NFASC: variants seen among roughly 807,000 people sequenced by gnomAD.
NFASC encodes neurofascin, also known as neurofascin homolog.
NFASC carries 43 observed loss-of-function variants against 147.5 expected under a neutral mutation model. The observed-to-expected ratio is 0.29, with a 90% CI of 0.23 to 0.38. The LOEUF is 0.38. NFASC is among the 10% of genes least tolerant of loss of function. The pLI is 1.00. For synonymous variants in NFASC, 622 were observed against 665.5 expected (o/e 0.93, Z 1.01); for missense variants, 1,320 against 1,689.0 (o/e 0.78, Z 3.83).
At chr1:204,836,491 T>A (rs187788026) in intron 1 of NFASC, among the ~76,000 whole-genome samples, 1 of 152,374 alleles carries the variant, frequency 6.6e-6, no homozygotes, top group East Asian at 1.9e-4. Flanking sequence ...AGAGTTTTAT[T>A]TGGGGGCACC....
chr1:204,954,307 A>G lies in NFASC; in HGVS notation c.335A>G (p.Tyr112Cys). 13 of 1,614,184 alleles carry G rather than the reference A, an allele frequency of 8.1e-6. No individual in the cohort carries two copies. The highest frequency in any genetic ancestry group is 1.1e-5 in the Non-Finnish European group (13 of 1,180,028). The part of the protein sequence containing the change: ...DFRSGGRPEE[Y>C]EGEYQCFARN... ...CGCAGTGGCGGGCGGCCGGAGGAAT[A>G]TGAGGGGGAATATCAGTGCTTCGCC... The change falls in exon 6 of 30, where the codon TAT (tyrosine) becomes TGT (cysteine). Residue 112 changes from tyrosine to cysteine, a missense_variant. By Grantham distance (194) the Tyr-to-Cys change is radical. This residue lies in a region of NFASC where 981 missense variants were observed against 1,289.5 expected (regional missense o/e 0.76). Coordinates refer to ENST00000339876, the MANE Select transcript of NFASC (RefSeq NM_001005388.3). The surrounding 1 kb of genome is among the most constrained non-coding windows in gnomAD (Gnocchi z 5.7).
chr1:204,864,991 T>C (rs2076995776), intron 1 of NFASC, among the ~76,000 whole-genome samples: 1 of 152,236 alleles, frequency 6.6e-6, no homozygotes, highest in Non-Finnish European at 1.5e-5. Flanking sequence ...TGGTGTTACA[T>C]CTAAAAGTCC....
chr1:204,897,925 A>G (rs1419791921), intron 1 of NFASC, among the ~76,000 whole-genome samples: 1 of 152,002 alleles, frequency 6.6e-6, no homozygotes, highest in Non-Finnish European at 1.5e-5. Flanking sequence ...TTTCAAAGAG[A>G]CAGGGTTTCA....
At chr1:204,908,568 G>T (rs1347686142) in intron 1 of NFASC, among the ~76,000 whole-genome samples, 2 of 151,680 alleles carry the variant, frequency 1.3e-5, no homozygotes, top group African/African-American at 4.8e-5. Context: ...ACACTACTTT[G>T]CCCAGGTTCC....
chr1:204,941,080 A>T (rs1420063928), intron 2 of NFASC, among the ~76,000 whole-genome samples: 1 of 152,228 alleles, frequency 6.6e-6, no homozygotes, highest in African/African-American at 2.4e-5. Context: ...ACAAAGAGAA[A>T]AATGGGTGGA....
At chr1:204,881,011 C>T (rs1414036313) in intron 1 of NFASC, among the ~76,000 whole-genome samples, 3 of 152,174 alleles carry the variant, frequency 2.0e-5, no homozygotes, top group Non-Finnish European at 4.4e-5. Context: ...GCCCTCCTGC[C>T]CTCCCTCCTG....
At chr1:204,981,418 C>T (rs2095506851) in intron 20 of NFASC, among the ~76,000 whole-genome samples, 1 of 152,274 alleles carries the variant, frequency 6.6e-6, no homozygotes, top group South Asian at 2.1e-4. Context: ...TGTGGTTAAC[C>T]ACAACTCATT....
chr1:204,981,434 T>C (rs553850727), intron 20 of NFASC, among the ~76,000 whole-genome samples: 29 of 152,418 alleles, frequency 1.9e-4, no homozygotes, highest in African/African-American at 6.7e-4. Flanking sequence ...TCATTTCTTC[T>C]GACTTTGGAG....
rs2095616580 is a variant in NFASC, at chr1:204,986,414, C to A, written c.2471-1004C>A. On this transcript the variant is annotated intron_variant, in intron 21 of 29. Coordinates refer to ENST00000339876, the MANE Select transcript of NFASC (RefSeq NM_001005388.3). The surrounding 1 kb of genome is among the most constrained non-coding windows in gnomAD (Gnocchi z 4.2). ...CACGGCGGGCACCTGGGCCACCCCA[C>A]CACCTTCCGAGGCAGAAGGCAGCAC... is the stretch of plus-strand genomic sequence containing the variant. 6.6e-6 allele frequency among the ~76,000 whole-genome samples: 1 copy of A among 152,248 alleles called. No homozygotes were observed.
At chr1:204,939,303 A>C (rs1353818632) in intron 2 of NFASC, among the ~76,000 whole-genome samples, 2 of 152,126 alleles carry the variant, frequency 1.3e-5, no homozygotes, top group Non-Finnish European at 2.9e-5. Context: ...AGGATCCTTC[A>C]AACATATCAT....
intron 3 of NFASC, chr1:204,948,534 G>A: frequency 1.9e-6 from 1 of 513,682 alleles, no homozygotes; most frequent in Non-Finnish European, 3.9e-6. Flanking sequence ...AGAGTCCTGA[G>A]GCCCCAGCTG....
chr1:205,003,162 G>T (rs1430284119), intron 27 of NFASC, among the ~76,000 whole-genome samples: 1 of 152,166 alleles, frequency 6.6e-6, no homozygotes, highest in Non-Finnish European at 1.5e-5. Flanking sequence ...TAGGGCCAGC[G>T]CAGGGCCTTG....
chr1:204,950,657 C>A, intron 4 of NFASC, 83 bp downstream of exon 4: 1 of 1,298,134 alleles, frequency 7.7e-7, no homozygotes, highest in Non-Finnish European at 1.1e-6. Context: ...GGATTAGTGG[C>A]CTGCTGGGAC....
At chr1:204,864,260 C>CT (rs1218761060) in intron 1 of NFASC, among the ~76,000 whole-genome samples, 2 of 152,214 alleles carry the variant, frequency 1.3e-5, no homozygotes, top group Non-Finnish European at 2.9e-5. Flanking sequence ...TTTATCCACT[C>CT]ATCTGTTGAG....
rs950196889 is a variant in NFASC at position 204,991,346 on chromosome 1, G to A, written c.2782+40G>A. 3.1e-6 allele frequency: 5 copies of A among 1,605,668 alleles called. No homozygotes were observed. The African/African-American group carries it at 5.3e-5, about 17-fold the overall frequency. ...GCGGAGGTAATGGGCATGGCATGGG[G>A]CAGCGCAGGCGGAGCCCAGCCCAGC... On this transcript the variant is annotated intron_variant, in intron 24 of 29. Coordinates refer to ENST00000339876, the MANE Select transcript of NFASC (RefSeq NM_001005388.3).
In NFASC at chr1:204,968,656, A is replaced by G. The variant is rs2095084869; in HGVS notation, c.819-142A>G. On this transcript the variant is annotated intron_variant, in intron 9 of 29. Coordinates refer to ENST00000339876, the MANE Select transcript of NFASC (RefSeq NM_001005388.3). The surrounding 1 kb of genome is among the most constrained non-coding windows in gnomAD (Gnocchi z 5.4). ...TCTGTGGCTGAGCATCCTCCTCTGC[A>G]CAGGAAAGATCAGCTTTTAGAGGAC... The G allele has an allele frequency of 2.7e-6, 2 of 740,530 alleles. No individual in the cohort carries two copies. Among genetic ancestry groups the G allele is most frequent in the African/African-American group, 1.8e-5 (1 of 56,366 alleles). The allele number at this position is 740,530 out of a possible 1,614,324, so 45.9% of individuals were successfully genotyped here.
intron 1 of NFASC, among the ~76,000 whole-genome samples, chr1:204,870,040 G>A (rs1372217743): frequency 6.6e-6 from 1 of 152,174 alleles, no homozygotes; most frequent in Non-Finnish European, 1.5e-5. Flanking sequence ...GTTATCAGGG[G>A]ACGCCTCCTC....
intron 1 of NFASC, among the ~76,000 whole-genome samples, chr1:204,832,258 T>C (rs1672431821): frequency 6.6e-6 from 1 of 152,214 alleles, no homozygotes; most frequent in South Asian, 2.1e-4. Context: ...AATCCCATCT[T>C]CTAAGCTCTT....
At chr1:204,978,930 C>A in intron 17 of NFASC, 38 bp from the exon 18 acceptor site, 1 of 1,491,698 alleles carries the variant, frequency 6.7e-7, no homozygotes, top group Non-Finnish European at 9.1e-7. Flanking sequence ...TGGACCTGCT[C>A]TAACTCAGGA....
Sources: gnomAD v4.1 joint callset for allele counts (sites outside exome capture counted in the v4.1 genomes callset) on GRCh38, gnomAD v4.1.1 for gene constraint, gnomAD v4.1.1 regional missense constraint, Gnocchi (gnomAD v3.1) non-coding constraint, MANE v1.5 for transcripts, NCBI Gene and HGNC (gene_info 2026-07-23, HGNC 2026-07-21) for gene names.